Variants in NCMAP observed in about 807,000 individuals in gnomAD.
The protein encoded by NCMAP is non-compact myelin associated protein.
In NCMAP, 8 loss-of-function variants were observed where a neutral mutation model predicts 7.8. That is an observed-to-expected ratio of 1.02 (90% CI 0.60 to 1.84). The LOEUF is 1.84. Ranked by LOEUF, NCMAP falls within the 40% of genes most tolerant of loss-of-function variation. The pLI is 0.00. For missense variants in NCMAP, 112 were observed against 131.4 expected (o/e 0.85, Z 0.72); for synonymous variants, 41 against 52.9 (o/e 0.78, Z 0.98).
intron 2 of NCMAP, among the ~76,000 whole-genome samples, chr1:24,598,211 G>A (rs182777178): frequency 1.8e-3 from 273 of 152,214 alleles, no homozygotes; most frequent in Non-Finnish European, 3.0e-3. Flanking sequence ...ATTTGCACAC[G>A]GTTGTTTGCT....
intron 1 of NCMAP, among the ~76,000 whole-genome samples, chr1:24,582,923 T>A (rs1651783705): frequency 1.3e-5 from 2 of 152,178 alleles, no homozygotes; most frequent in Non-Finnish European, 2.9e-5. Flanking sequence ...GGAGAAAACA[T>A]ATACAAAGTA....
At chr1:24,590,145 G>T (rs1261388557) in intron 1 of NCMAP, among the ~76,000 whole-genome samples, 2 of 152,238 alleles carry the variant, frequency 1.3e-5, no homozygotes, top group Non-Finnish European at 2.9e-5. Context: ...TCATTTGAGA[G>T]AAGGGGAAAG....
intron 1 of NCMAP, among the ~76,000 whole-genome samples, chr1:24,574,307 C>T (rs1030943034): frequency 1.3e-5 from 2 of 150,724 alleles, no homozygotes; most frequent in Non-Finnish European, 2.9e-5. Flanking sequence ...TTAGTAGAGA[C>T]GGGGTTTCAC....
At chr1:24,565,571 ATTGT>A (rs747764451) in intron 1 of NCMAP, among the ~76,000 whole-genome samples, 2 of 88,610 alleles carry the variant, frequency 2.3e-5, no homozygotes, top group African/African-American at 9.3e-5. Context: ...GTGATAGAAG[ATTGT>A]GTGTGTGTGT....
chr1:24,600,984 A>C lies in NCMAP; in HGVS notation c.127A>C (p.Ile43Leu). 6.2e-7 allele frequency: 1 copy of C among 1,614,126 alleles called. No individual in the cohort carries two copies. The highest frequency in any genetic ancestry group is 1.1e-5 in the South Asian group (1 of 91,080). ...TGCCGTTGTGGTGGTTGTCATCATC[A>C]TCTTCACCGTGGTTCTGATCCTGCT... ...VAAVVVVVII[I>L]FTVVLILLKM... The change falls in exon 3 of 4, where the codon ATC (isoleucine) becomes CTC (leucine). Residue 43 changes from isoleucine to leucine, a missense_variant. By Grantham distance (5) the Ile-to-Leu change is conservative. Coordinates refer to ENST00000374392, the MANE Select transcript of NCMAP (RefSeq NM_001010980.5).
At chr1:24,599,183 G>C (rs1401000524) in intron 2 of NCMAP, among the ~76,000 whole-genome samples, 1 of 151,190 alleles carries the variant, frequency 6.6e-6, no homozygotes, top group Admixed American at 6.6e-5. Flanking sequence ...TGGAGACTGA[G>C]GCAGGAGAAT....
chr1:24,589,982 A>G (rs543826537), intron 1 of NCMAP, among the ~76,000 whole-genome samples: 1 of 152,096 alleles, frequency 6.6e-6, no homozygotes, highest in Non-Finnish European at 1.5e-5. Context: ...AACTGCCATC[A>G]CACCTGGCTA....
At chr1:24,585,279 G>C (rs1332528026) in intron 1 of NCMAP, among the ~76,000 whole-genome samples, 1 of 152,128 alleles carries the variant, frequency 6.6e-6, no homozygotes, top group Admixed American at 6.5e-5. Context: ...GGGTGACTAT[G>C]TACCCTACAG....
intron 1 of NCMAP, among the ~76,000 whole-genome samples, chr1:24,559,247 C>T (rs1650983206): frequency 6.6e-6 from 1 of 152,248 alleles, no homozygotes; most frequent in Admixed American, 6.5e-5. Flanking sequence ...GTTTCCCCAT[C>T]TCCATCCATC....
chr1:24,604,723 T>C, intron 3 of NCMAP, among the ~76,000 whole-genome samples: 1 of 136,404 alleles, frequency 7.3e-6, no homozygotes, highest in Non-Finnish European at 1.5e-5. Context: ...GGCACACACC[T>C]GCAATCCCAG....
chr1:24,581,824 C>T (rs1338607498), intron 1 of NCMAP, among the ~76,000 whole-genome samples: 1 of 152,188 alleles, frequency 6.6e-6, no homozygotes, highest in African/African-American at 2.4e-5. Context: ...CAGGGAGGAA[C>T]TCTGGAAAGG....
In NCMAP at chr1:24,595,517, G is replaced by A. The variant is rs1264935324; in HGVS notation, c.82+5G>A. The stretch of plus-strand genomic sequence containing the variant: ...GAGAAGACTTCCTGTATAAGAGTAA[G>A]GTCAAATTCGCTTAGAGGCTGGGGG... On this transcript the variant is annotated splice_donor_5th_base_variant and intron_variant, in intron 2 of 3. Coordinates refer to ENST00000374392, the MANE Select transcript of NCMAP (RefSeq NM_001010980.5). The A allele has an allele frequency of 6.2e-7, 1 of 1,607,616 alleles. No individual in the cohort carries two copies. The highest frequency in any genetic ancestry group is 1.7e-5 in the Admixed American group (1 of 59,998).
chr1:24,559,468 G>A (rs1650988216), intron 1 of NCMAP, among the ~76,000 whole-genome samples: 1 of 152,234 alleles, frequency 6.6e-6, no homozygotes, highest in African/African-American at 2.4e-5. Flanking sequence ...AGGGGTGTGG[G>A]TGAAGCTGAG....
At chr1:24,560,510 C>T (rs1308232410) in intron 1 of NCMAP, among the ~76,000 whole-genome samples, 1 of 152,188 alleles carries the variant, frequency 6.6e-6, no homozygotes, top group Admixed American at 6.5e-5. Flanking sequence ...TGGCTCACGC[C>T]AAGGCAGGAG....
At chr1:24,589,640 T>C (rs371497587) in intron 1 of NCMAP, 1 of 152,834 alleles carries the variant, frequency 6.5e-6, no homozygotes, top group South Asian at 2.1e-4. Context: ...TGTGTGTATG[T>C]GTGTGCATGT....
rs138105001 is a variant in NCMAP, at chr1:24,597,694, G to GAAAGAAAGAA, written c.82+2183_82+2184insAAGAAAGAAA. On this transcript the variant is annotated intron_variant, in intron 2 of 3. Transcript: ENST00000374392. ...AAGAAAAGAAAAAGAAAGAAAGAAA[G>GAAAGAAAGAA]AGAAAGAAGGAAAGATTGGTTGGTT... is the stretch of plus-strand genomic sequence containing the variant. 4.9e-4 allele frequency among the ~76,000 whole-genome samples: 63 copies of GAAAGAAAGAA among 127,924 alleles called. 3 individuals carry two copies. Among genetic ancestry groups the GAAAGAAAGAA allele is most frequent in the Non-Finnish European group, 7.1e-4 (42 of 58,968 alleles). 83.9% of individuals were successfully genotyped at this position (127,924 alleles called of 152,430 possible). A position where few individuals can be genotyped will look rare whatever the true frequency, so the allele number is the denominator to read the frequency against.
chr1:24,588,536 G>A (rs1024162916), intron 1 of NCMAP, among the ~76,000 whole-genome samples: 5 of 152,212 alleles, frequency 3.3e-5, no homozygotes, highest in East Asian at 1.9e-4. Flanking sequence ...GGTACCCCTA[G>A]GGCAGAGCTT....
chr1:24,595,794 C>CTTTTT (rs34640170), intron 2 of NCMAP, among the ~76,000 whole-genome samples: 24 of 119,488 alleles, frequency 2.0e-4, no homozygotes, highest in South Asian at 3.0e-4. Flanking sequence ...TGGACTGTGT[C>CTTTTT]TTTTTTTTTT....
intron 1 of NCMAP, among the ~76,000 whole-genome samples, chr1:24,591,456 T>C (rs895863611): frequency 1.3e-5 from 2 of 152,196 alleles, no homozygotes; most frequent in Non-Finnish European, 2.9e-5. Context: ...TTAGTAGAGA[T>C]GTGGTTTCAC....
Sources: gnomAD v4.1 joint callset for allele counts (sites outside exome capture counted in the v4.1 genomes callset) on GRCh38, gnomAD v4.1.1 for gene constraint, MANE v1.5 for transcripts, NCBI Gene and HGNC (gene_info 2026-07-23, HGNC 2026-07-21) for gene names.